PCTP: variants seen among roughly 807,000 people sequenced by gnomAD.
The protein encoded by PCTP is phosphatidylcholine transfer protein, also known as START domain-containing protein 2.
Under a neutral mutation model 31.0 loss-of-function variants are expected in PCTP, and 27 were observed. The ratio of observed to expected loss-of-function variants is 0.87; its 90% CI spans 0.64 to 1.20. The LOEUF (loss-of-function observed/expected upper bound fraction) is 1.20. Ranked by LOEUF, PCTP falls within the 50% of genes most tolerant of loss-of-function variation. The pLI is 0.00. For missense variants in PCTP, 287 were observed against 268.2 expected, an observed-to-expected ratio of 1.07 and a Z score of -0.49; for synonymous variants, 108 against 101.2, an observed-to-expected ratio of 1.07 and a Z score of -0.40.
chr17:55,840,073 T>G (rs987845701), intron 5 of PCTP, among the ~76,000 whole-genome samples: 7 of 152,144 alleles, frequency 4.6e-5, no homozygotes, highest in African/African-American at 1.7e-4. Flanking sequence ...TTTAAAATTT[T>G]GCACCAGTCA....
intron 3 of PCTP, among the ~76,000 whole-genome samples, chr17:55,797,385 G>A (rs968710359): frequency 6.6e-6 from 1 of 151,964 alleles, no homozygotes; most frequent in Non-Finnish European, 1.5e-5. Flanking sequence ...AGGCAAAAAA[G>A]CCAAGAGAAA....
At chr17:55,764,446 C>A (rs1432770642) in intron 1 of PCTP, among the ~76,000 whole-genome samples, 2 of 152,196 alleles carry the variant, frequency 1.3e-5, no homozygotes, top group Non-Finnish European at 2.9e-5. Flanking sequence ...CATCTCTCAT[C>A]AGACCCTGAG....
chr17:55,829,360 G>C (rs900204060), intron 5 of PCTP, among the ~76,000 whole-genome samples: 1 of 152,128 alleles, frequency 6.6e-6, no homozygotes, highest in Non-Finnish European at 1.5e-5. Flanking sequence ...ACCCAGGCTG[G>C]AGTGCAATGG....
At chr17:55,807,901 A>G (rs16956426) in intron 3 of PCTP, among the ~76,000 whole-genome samples, 8,917 of 152,230 alleles carry the variant, frequency 0.059, 260 homozygotes, top group Admixed American at 0.065. Flanking sequence ...GCATTTTCAC[A>G]TTCATTATCT....
chr17:55,756,440 G>A (rs1314056132), intron 1 of PCTP, among the ~76,000 whole-genome samples: 1 of 152,134 alleles, frequency 6.6e-6, no homozygotes, highest in Non-Finnish European at 1.5e-5. Flanking sequence ...ACATTTGGCC[G>A]ATTTGAATAA....
rs553957347 is a variant in PCTP, at chr17:55,751,062, C to T, written c.-42C>T. 3 of 1,484,600 alleles carry T rather than the reference C, an allele frequency of 2.0e-6. No homozygotes were observed. The highest frequency in any genetic ancestry group is 2.7e-6 in the Non-Finnish European group (3 of 1,120,330). 92.0% of individuals were successfully genotyped at this position (1,484,600 alleles called of 1,614,324 possible). ...CCCCCAGGCCCACACTAAGGGTGTC[C>T]GCGGCCTGCCCTCCAGGCGGAGGAG... is the stretch of plus-strand genomic sequence containing the variant. On this transcript the variant is annotated 5_prime_UTR_variant, in exon 1 of 6. Transcript: ENST00000268896.
Position 55,791,445 on chromosome 17 carries a change from C to A in PCTP, c.317+3791C>A, listed in dbSNP as rs199792243. On this transcript the variant is annotated intron_variant, in intron 3 of 3. Transcript: ENST00000572536. ...AATATCCAGAATCTACAATGAACTC[C>A]AACAAATTTACAAGAAAAAAACAAA... 3.8e-4 allele frequency among the ~76,000 whole-genome samples: 56 copies of A among 146,682 alleles called. No individual in the cohort carries two copies. The East Asian group carries it at 9.8e-3, about 26-fold the overall frequency.
In PCTP at chr17:55,773,892, A is replaced by C; in HGVS notation, c.508A>C (p.Lys170Gln). Reference sequence around the variant, plus strand: ...CGAGAGTGACGGCAAGAAGGGGAGCAAAGGTAAAACCCATGGTGCCTGTCA... The same window carrying C: ...CGAGAGTGACGGCAAGAAGGGGAGCCAAGGTAAAACCCATGGTGCCTGTCA... ...AIESDGKKGS[K>Q]VFMYYFDNPG... The change falls in exon 4 of 6, where the codon AAA (lysine) becomes CAA (glutamine). Residue 170 changes from lysine (K) to glutamine (Q), a missense_variant. Coordinates refer to ENST00000268896, the MANE Select transcript of PCTP (RefSeq NM_021213.4). 1.2e-6 allele frequency: 2 copies of C among 1,603,514 alleles called. No individual in the cohort carries two copies. The highest frequency in any genetic ancestry group is 1.7e-6 in the Non-Finnish European group (2 of 1,174,572).
intron 1 of PCTP, among the ~76,000 whole-genome samples, chr17:55,754,631 T>C (rs894656064): frequency 6.6e-6 from 1 of 152,182 alleles, no homozygotes; most frequent in Non-Finnish European, 1.5e-5. Flanking sequence ...AATAGACTGA[T>C]TGGGGAAACC....
chr17:55,759,377 T>A (rs1910218641), intron 1 of PCTP, among the ~76,000 whole-genome samples: 1 of 152,224 alleles, frequency 6.6e-6, no homozygotes, highest in African/African-American at 2.4e-5. Flanking sequence ...CCTATCACAT[T>A]TTCTTAGAGA....
At chr17:55,796,225 A>C (rs1912183590) in intron 3 of PCTP, among the ~76,000 whole-genome samples, 1 of 152,034 alleles carries the variant, frequency 6.6e-6, no homozygotes, top group South Asian at 2.1e-4. Context: ...TGAAAGGCAT[A>C]ATACACTCAA....
At chr17:55,784,854 G>A (rs1451240341) in intron 2 of PCTP, among the ~76,000 whole-genome samples, 1 of 152,170 alleles carries the variant, frequency 6.6e-6, no homozygotes, top group Non-Finnish European at 1.5e-5. Context: ...TGCTCTTCAA[G>A]CTCCACTTCC....
intron 1 of PCTP, among the ~76,000 whole-genome samples, chr17:55,754,008 A>G (rs1419306546): frequency 6.6e-6 from 1 of 152,190 alleles, no homozygotes; most frequent in Non-Finnish European, 1.5e-5. Context: ...TGTTTTTTTC[A>G]TTATCTCAAC....
intron 3 of PCTP, among the ~76,000 whole-genome samples, chr17:55,822,117 CT>C (rs2145065412): frequency 6.6e-6 from 1 of 152,296 alleles, no homozygotes; most frequent in Admixed American, 6.5e-5. Flanking sequence ...TTGGCTCTGT[CT>C]GCTTCCTAGT....
At chr17:55,754,840 C>T (rs183426312) in intron 1 of PCTP, among the ~76,000 whole-genome samples, 84 of 152,138 alleles carry the variant, frequency 5.5e-4, no homozygotes, top group South Asian at 2.3e-3. Context: ...AACCTGTGTG[C>T]GCGCGTGTGT....
At chr17:55,792,433 C>G (rs1406198104) in intron 3 of PCTP, among the ~76,000 whole-genome samples, 1 of 151,862 alleles carries the variant, frequency 6.6e-6, no homozygotes, top group Non-Finnish European at 1.5e-5. Context: ...AGGATTCACA[C>G]TACATCTTTT....
intron 5 of PCTP, among the ~76,000 whole-genome samples, chr17:55,832,512 TG>T (rs1463008525): frequency 6.6e-6 from 1 of 152,212 alleles, no homozygotes; most frequent in Non-Finnish European, 1.5e-5. Context: ...AACTCATTGG[TG>T]GTGTTCTTTC....
Position 55,776,032 on chromosome 17 carries a change from C to A in PCTP, c.580-3C>A, listed in dbSNP as rs758350417. Reference sequence around the variant, plus strand: ...AGAAATGACAGTCTCATTTCCTTTGCAGAATGGAGTTCCTAACTTCTTGAA... The same window carrying A: ...AGAAATGACAGTCTCATTTCCTTTGAAGAATGGAGTTCCTAACTTCTTGAA... On this transcript the variant is annotated splice_region_variant and splice_polypyrimidine_tract_variant and intron_variant, in intron 5 of 5. Transcript: ENST00000268896. 2 of 1,613,762 alleles carry A rather than the reference C, an allele frequency of 1.2e-6. No individual in the cohort carries two copies. The highest frequency in any genetic ancestry group is 2.2e-5 in the East Asian group (1 of 44,850).
intron 3 of PCTP, among the ~76,000 whole-genome samples, chr17:55,806,962 C>T (rs1912598550): frequency 6.6e-6 from 1 of 152,108 alleles, no homozygotes; most frequent in Non-Finnish European, 1.5e-5. Flanking sequence ...CTGCTAATGA[C>T]TCAGACTGCA....
Sources: allele counts gnomAD v4.1 joint callset (sites outside exome capture counted in the v4.1 genomes callset), GRCh38; gene constraint gnomAD v4.1.1; transcripts MANE v1.5; gene names NCBI Gene and HGNC (gene_info 2026-07-23, HGNC 2026-07-21).